MED12L: variants seen among roughly 807,000 people sequenced by gnomAD.
The protein encoded by MED12L is mediator of RNA polymerase II transcription subunit 12-like protein.
Under a neutral mutation model 281.3 loss-of-function variants are expected in MED12L, and 60 were observed. The observed-to-expected ratio is 0.21, with a 90% CI of 0.17 to 0.26. The LOEUF is 0.26. Ranked by LOEUF, MED12L falls within the 10% of genes least tolerant of loss-of-function variation. The pLI is 1.00. For missense variants in MED12L, 2,146 were observed against 2,680.9 expected, an observed-to-expected ratio of 0.80 and a Z score of 4.41; for synonymous variants, 974 against 987.2, an observed-to-expected ratio of 0.99 and a Z score of 0.25.
In MED12L at chr3:151,154,841, A is replaced by G. The variant is rs1293188405; in HGVS notation, c.557-1320A>G. ...AGATAGTTTACTGTTTTTAATGCCA[A>G]TGGACTAACTTTAATATCTGTTATC... On this transcript the variant is annotated intron_variant, in intron 5 of 44. Coordinates refer to ENST00000687756, the MANE Select transcript of MED12L (RefSeq NM_001393769.1). 3.3e-5 allele frequency among the ~76,000 whole-genome samples: 5 copies of G among 152,368 alleles called. No homozygotes were observed. The East Asian group carries it at 7.7e-4, about 23-fold the overall frequency.
Position 151,435,831 on chromosome 3 carries a change from A to ATAATTAAAT in MED12L, c.*3031_*3032insTAAATTAAT, listed in dbSNP as rs76449898. The ATAATTAAAT allele has an allele frequency of 6.6e-6, 1 of 151,986 alleles. No individual in the cohort carries two copies. Among genetic ancestry groups the ATAATTAAAT allele is most frequent in the Admixed American group, 6.6e-5 (1 of 15,264 alleles). 9.4% of individuals were successfully genotyped at this position (151,986 alleles called of 1,614,324 possible). ...TAAATACAGTGAAACTTCATTATATATAATAGACCTAGACCCTCCCAAGCA... is the reference window on the plus strand; with the variant it reads ...TAAATACAGTGAAACTTCATTATATATAATTAAATTAATAGACCTAGACCCTCCCAAGCA... On this transcript the variant is annotated 3_prime_UTR_variant, in exon 45 of 45. Transcript: ENST00000687756.
chr3:151,294,204 C>G, intron 16 of MED12L: 1 of 1,611,132 alleles, frequency 6.2e-7, no homozygotes, highest in Non-Finnish European at 8.5e-7. Flanking sequence ...ATGCGAACTT[C>G]CGATCTTCTC....
At chr3:151,120,993 T>C (rs1438387830) in intron 3 of MED12L, among the ~76,000 whole-genome samples, 1 of 152,216 alleles carries the variant, frequency 6.6e-6, no homozygotes, top group Non-Finnish European at 1.5e-5. Flanking sequence ...TAGGAGAATA[T>C]AATTATAAAA....
chr3:151,320,808 G>C (rs917697808), intron 16 of MED12L, among the ~76,000 whole-genome samples: 1 of 152,086 alleles, frequency 6.6e-6, no homozygotes, highest in African/African-American at 2.4e-5. Context: ...GGCAGTGTCC[G>C]GCTGTGACAA....
intron 16 of MED12L, among the ~76,000 whole-genome samples, chr3:151,316,151 A>T (rs1164485101): frequency 1.3e-5 from 2 of 152,176 alleles, no homozygotes; most frequent in Non-Finnish European, 1.5e-5. Flanking sequence ...AAAGACTGAG[A>T]TTATTTTATC....
chr3:151,408,204 C>T (rs958668764), intron 39 of MED12L, among the ~76,000 whole-genome samples: 5 of 152,134 alleles, frequency 3.3e-5, no homozygotes, highest in African/African-American at 1.2e-4. Context: ...GAGAATGATG[C>T]TCCTTTCCTA....
intron 3 of MED12L, among the ~76,000 whole-genome samples, chr3:151,117,083 T>C (rs1712938474): frequency 6.6e-6 from 1 of 152,228 alleles, no homozygotes; most frequent in Non-Finnish European, 1.5e-5. Context: ...ATGCAGGTTT[T>C]CTAATTATTC....
intron 27 of MED12L, among the ~76,000 whole-genome samples, chr3:151,374,496 C>T (rs911339069): frequency 4.6e-5 from 7 of 152,012 alleles, no homozygotes; most frequent in African/African-American, 7.2e-5. Context: ...TGCAGTGAGC[C>T]GAGATTGCGC....
chr3:151,235,719 ATAAG>A (rs1449554666), intron 16 of MED12L, among the ~76,000 whole-genome samples: 3 of 107,476 alleles, frequency 2.8e-5, no homozygotes, highest in South Asian at 3.2e-4. Flanking sequence ...AAATAAATAA[ATAAG>A]TAAAAGCAAC....
At chr3:151,308,365 A>G (rs1747004577) in intron 16 of MED12L, among the ~76,000 whole-genome samples, 1 of 151,994 alleles carries the variant, frequency 6.6e-6, no homozygotes, top group Admixed American at 6.6e-5. Flanking sequence ...TGAAACATGT[A>G]TTTTTATTTT....
chr3:151,247,198 A>C (rs945072863), intron 16 of MED12L, among the ~76,000 whole-genome samples: 4 of 152,096 alleles, frequency 2.6e-5, no homozygotes, highest in Non-Finnish European at 5.9e-5. Flanking sequence ...TGTGGAAGTC[A>C]GTGTGGCGAT....
At chr3:151,144,315 G>GA (rs1411110393) in intron 5 of MED12L, among the ~76,000 whole-genome samples, 1 of 152,186 alleles carries the variant, frequency 6.6e-6, no homozygotes, top group Non-Finnish European at 1.5e-5. Context: ...ACGTTAAAAT[G>GA]AAAATGAGAA....
chr3:151,218,727 TGTG>T (rs1425301835), intron 16 of MED12L, among the ~76,000 whole-genome samples: 1 of 150,962 alleles, frequency 6.6e-6, no homozygotes, highest in Non-Finnish European at 1.5e-5. Flanking sequence ...ATTAGCCAGG[TGTG>T]GTGGCATACA....
intron 5 of MED12L, among the ~76,000 whole-genome samples, chr3:151,132,691 T>C (rs951871167): frequency 6.6e-6 from 1 of 152,246 alleles, no homozygotes; most frequent in Non-Finnish European, 1.5e-5. Context: ...TATTCTTATA[T>C]GTATTTTAAT....
chr3:151,214,541 C>T lies in MED12L; in HGVS notation c.2250+20875C>T, dbSNP rs910981141. ...TCTTTTGGTCTTCCTTTTCTCCTTTCCCTCCCTCTTTCCCCCTTTACCCAC... is the reference window on the plus strand; with the variant it reads ...TCTTTTGGTCTTCCTTTTCTCCTTTTCCTCCCTCTTTCCCCCTTTACCCAC... On this transcript the variant is annotated intron_variant, in intron 16 of 44. Transcript: ENST00000687756. Among the ~76,000 whole-genome samples, 39 of 151,850 alleles carry T rather than the reference C, an allele frequency of 2.6e-4. 1 individual carries two copies. Among genetic ancestry groups the T allele is most frequent in the Middle Eastern group, 3.2e-3 (1 of 316 alleles).
intron 39 of MED12L, among the ~76,000 whole-genome samples, chr3:151,407,024 C>T (rs979718178): frequency 6.6e-6 from 1 of 152,180 alleles, no homozygotes; most frequent in Admixed American, 6.5e-5. Context: ...TGGTCTCGAA[C>T]TGCTGGGCTC....
At chr3:151,162,151 A>C (rs1391523057) in intron 8 of MED12L, among the ~76,000 whole-genome samples, 1 of 152,186 alleles carries the variant, frequency 6.6e-6, no homozygotes, top group Non-Finnish European at 1.5e-5. Context: ...AAGAGCAAAT[A>C]GGAGAAGGAG....
At chr3:151,188,128 C>A (rs933716625) in intron 12 of MED12L, 2 of 315,088 alleles carry the variant, frequency 6.3e-6, no homozygotes, top group Non-Finnish European at 1.2e-5. Flanking sequence ...TGAACGCGCC[C>A]GATCTCGTCT....
In MED12L at chr3:151,410,791, C is replaced by T. The variant is rs368815984; in HGVS notation, c.5911-487C>T. 6.4e-4 allele frequency among the ~76,000 whole-genome samples: 97 copies of T among 152,302 alleles called. 2 individuals are homozygous for T. In the South Asian group the frequency reaches 0.02, roughly 31 times the overall value. On this transcript the variant is annotated intron_variant, in intron 40 of 44. Transcript: ENST00000687756. ...TGGAACTGGTTAGTTACTACACACACATTTATCAGACCTGAAGAGGTGTAG... is the reference window on the plus strand; with the variant it reads ...TGGAACTGGTTAGTTACTACACACATATTTATCAGACCTGAAGAGGTGTAG...
Sources: gnomAD v4.1 joint callset for allele counts (sites outside exome capture counted in the v4.1 genomes callset) on GRCh38, gnomAD v4.1.1 for gene constraint, MANE v1.5 for transcripts, NCBI Gene and HGNC (gene_info 2026-07-23, HGNC 2026-07-21) for gene names.